PRKAG2: variants seen among roughly 807,000 people sequenced by gnomAD.
The protein encoded by PRKAG2 is protein kinase AMP-activated non-catalytic subunit gamma 2.
PRKAG2 carries 26 observed loss-of-function variants against 69.6 expected under a neutral mutation model. The ratio of observed to expected loss-of-function variants is 0.37; its 90% confidence interval spans 0.27 to 0.52. The LOEUF is 0.52. Among genes scored for constraint, PRKAG2 ranks in the 20% least tolerant of loss-of-function variants. PRKAG2 has a pLI of 0.90. For missense variants in PRKAG2, 557 were observed against 740.0 expected (o/e 0.75, Z 2.87); for synonymous variants, 293 against 285.0 (o/e 1.03, Z -0.28).
At chr7:151,870,994 T>C (rs1034362185) in intron 1 of PRKAG2, among the ~76,000 whole-genome samples, 1 of 152,132 alleles carries the variant, frequency 6.6e-6, no homozygotes, top group African/African-American at 2.4e-5. Context: ...GCAGCAACCA[T>C]CTGAACTCCT....
intron 5 of PRKAG2, among the ~76,000 whole-genome samples, chr7:151,610,363 C>T (rs1408892733): frequency 6.6e-6 from 1 of 151,648 alleles, no homozygotes; most frequent in East Asian, 1.9e-4. Flanking sequence ...AGCGAGTCTT[C>T]ATTTCAAAAC....
chr7:151,764,252 TG>T (rs532479090), intron 3 of PRKAG2, among the ~76,000 whole-genome samples: 1 of 152,148 alleles, frequency 6.6e-6, no homozygotes, highest in Non-Finnish European at 1.5e-5. Context: ...ACAGCTCTAA[TG>T]GCCACAGGGG....
intron 1 of PRKAG2, among the ~76,000 whole-genome samples, chr7:151,794,843 G>A (rs2077421337): frequency 1.3e-5 from 2 of 152,216 alleles, no homozygotes; most frequent in East Asian, 1.9e-4. Flanking sequence ...AAGGGCAGCC[G>A]AGCCTTTCCT....
At position 151,814,108 on chromosome 7, in the gene PRKAG2, GGA is replaced by G. The variant is rs2078561558; in HGVS notation, c.115-27569_115-27568del. On this transcript the variant is annotated intron_variant, in intron 1 of 15. Coordinates refer to ENST00000287878, the MANE Select transcript of PRKAG2 (RefSeq NM_016203.4). This position sits in a 1 kb window ranked among gnomAD's most constrained non-coding sequence, Gnocchi z 4.8. ...CAGCTCTGCTCAGCCTGGCAGGGGA[GGA>G]GAGACAGACTCAGAGAGGAATGGAG... Among the ~76,000 whole-genome samples the G allele has an allele frequency of 6.6e-6, 1 of 152,194 alleles. No individual in the cohort carries two copies. Among genetic ancestry groups the G allele is most frequent in the South Asian group, 2.1e-4 (1 of 4,822 alleles).
chr7:151,867,976 C>G (rs1219239649), intron 1 of PRKAG2, among the ~76,000 whole-genome samples: 1 of 152,226 alleles, frequency 6.6e-6, no homozygotes, highest in Non-Finnish European at 1.5e-5. Context: ...AGGGCACCCC[C>G]CTCCAGGACC....
intron 3 of PRKAG2, among the ~76,000 whole-genome samples, chr7:151,761,754 G>A (rs903250080): frequency 2.6e-5 from 4 of 152,196 alleles, no homozygotes; most frequent in Admixed American, 1.3e-4. Flanking sequence ...AGAGGCGGAA[G>A]GACCCATCGG....
chr7:151,702,540 T>C (rs981204410), intron 3 of PRKAG2, among the ~76,000 whole-genome samples: 4 of 152,210 alleles, frequency 2.6e-5, no homozygotes, highest in Non-Finnish European at 5.9e-5. Flanking sequence ...CCTCTCCCCA[T>C]CTGCCAGGAA....
chr7:151,862,994 G>A (rs867888272), intron 1 of PRKAG2, among the ~76,000 whole-genome samples: 2 of 148,458 alleles, frequency 1.3e-5, no homozygotes, highest in Non-Finnish European at 3.0e-5. Context: ...AGGTCCTGGG[G>A]TGCAGGGGGT....
chr7:151,781,642 C>A lies in PRKAG2; in HGVS notation c.187-211G>T, dbSNP rs2076676917. Among the ~76,000 whole-genome samples, 2 of 152,176 alleles carry A rather than the reference C, an allele frequency of 1.3e-5. No individual in the cohort carries two copies. Among genetic ancestry groups the A allele is most frequent in the Admixed American group, 1.3e-4 (2 of 15,284 alleles). On this transcript the variant is annotated intron_variant, in intron 2 of 15. Transcript: ENST00000287878. The surrounding 1 kb of genome is among the most constrained non-coding windows in gnomAD (Gnocchi z 6.1). ...AGGATGGCCCCTCACAGGCTGGCAG[C>A]ACCACGTCCTGGAGGTCCACTGACC... is the stretch of plus-strand genomic sequence containing the variant.
intron 3 of PRKAG2, among the ~76,000 whole-genome samples, chr7:151,711,840 A>G (rs1238245199): frequency 2.6e-5 from 4 of 152,226 alleles, no homozygotes; most frequent in South Asian, 2.1e-4. Context: ...AAGTTCTACA[A>G]TTTAGAAATC....
chr7:151,829,339 C>T (rs1038918685), intron 1 of PRKAG2, among the ~76,000 whole-genome samples: 1 of 152,194 alleles, frequency 6.6e-6, no homozygotes, highest in African/African-American at 2.4e-5. Flanking sequence ...CCCACTGGGA[C>T]AGCTAGAACA....
intron 1 of PRKAG2, among the ~76,000 whole-genome samples, chr7:151,791,443 C>T (rs184146452): frequency 1.1e-3 from 164 of 152,286 alleles, no homozygotes; most frequent in African/African-American, 3.9e-3. Flanking sequence ...CCCTCACTTC[C>T]TCTTCCCGTC....
At chr7:151,717,567 C>A (rs1796375380) in intron 3 of PRKAG2, among the ~76,000 whole-genome samples, 2 of 152,164 alleles carry the variant, frequency 1.3e-5, no homozygotes, top group African/African-American at 4.8e-5. Context: ...AAGGGCTGCC[C>A]CGGCCCCAGA....
At chr7:151,573,030 T>C (rs988359888) in intron 8 of PRKAG2, among the ~76,000 whole-genome samples, 4 of 151,988 alleles carry the variant, frequency 2.6e-5, no homozygotes, top group Non-Finnish European at 5.9e-5. Context: ...GGAGAATTGC[T>C]TGAACCCAGG....
At chr7:151,618,180 T>C (rs1009176962) in intron 5 of PRKAG2, among the ~76,000 whole-genome samples, 1 of 151,902 alleles carries the variant, frequency 6.6e-6, no homozygotes, top group Non-Finnish European at 1.5e-5. Context: ...AGGTCGGGCG[T>C]GGTGGCTCAT....
rs374032058 is a variant in PRKAG2 at position 151,619,582 on chromosome 7, CAA to C, written c.754+12485_754+12486del. The stretch of plus-strand genomic sequence containing the variant: ...ATCTGTACAAACTTTGTTTCATGCA[CAA>C]AGTTATTAAAAAATTGTATAAAATA... On this transcript the variant is annotated intron_variant, in intron 5 of 15. Coordinates refer to ENST00000287878, the MANE Select transcript of PRKAG2 (RefSeq NM_016203.4). Among the ~76,000 whole-genome samples the C allele has an allele frequency of 6.9e-4, 105 of 152,076 alleles. 1 individual carries two copies. The Middle Eastern group carries it at 0.031, about 44-fold the overall frequency.
intron 10 of PRKAG2, among the ~76,000 whole-genome samples, chr7:151,569,587 C>G (rs534319031): frequency 3.3e-5 from 5 of 152,318 alleles, no homozygotes; most frequent in African/African-American, 9.6e-5. Context: ...GTTGTTATAC[C>G]TTTTTGTTAG....
At chr7:151,635,451 G>A (rs1191243359) in intron 4 of PRKAG2, among the ~76,000 whole-genome samples, 2 of 152,202 alleles carry the variant, frequency 1.3e-5, no homozygotes, top group African/African-American at 4.8e-5. Flanking sequence ...TTCAATGGAT[G>A]AATGGTGAAG....
rs181900813 is a variant in PRKAG2 at position 151,685,532 on chromosome 7, G to T, written c.467-9895C>A. ...GGCCTATAATCCCAGCACTTTGGGA[G>T]GCCGAGAAGGGAGGGGCTGGGAGCT... On this transcript the variant is annotated intron_variant, in intron 3 of 15. Transcript: ENST00000287878. Among the ~76,000 whole-genome samples, 152 of 152,288 alleles carry T rather than the reference G, an allele frequency of 1.0e-3. 2 individuals are homozygous for T. Among genetic ancestry groups the T allele is most frequent in the Admixed American group, 2.7e-3 (41 of 15,302 alleles).
Sources: allele counts gnomAD v4.1 joint callset (sites outside exome capture counted in the v4.1 genomes callset), GRCh38; gene constraint gnomAD v4.1.1; non-coding constraint Gnocchi (gnomAD v3.1); transcripts MANE v1.5; gene names NCBI Gene and HGNC (gene_info 2026-07-23, HGNC 2026-07-21).